Variants in ATF7 observed in about 807,000 individuals in gnomAD.
The protein encoded by ATF7 is activating transcription factor 7, also known as cyclic AMP-dependent transcription factor ATF-7.
In ATF7, 10 loss-of-function variants were observed where a neutral mutation model predicts 50.4. The observed-to-expected ratio is 0.20, with a 90% confidence interval of 0.12 to 0.34. ATF7 has a LOEUF of 0.34. ATF7 is among the 10% of genes least tolerant of loss of function. The pLI, the probability that ATF7 is intolerant of heterozygous loss-of-function variation, is 1.00. For missense variants in ATF7, 465 were observed against 613.9 expected (o/e 0.76, Z 2.56); for synonymous variants, 201 against 226.4 (o/e 0.89, Z 1.01).
At chr12:53,581,673 G>A (rs1253025992) in intron 2 of ATF7, among the ~76,000 whole-genome samples, 1 of 152,044 alleles carries the variant, frequency 6.6e-6, no homozygotes, top group Non-Finnish European at 1.5e-5. Flanking sequence ...TTTGTAGGAT[G>A]CAGCAGAAAC....
At chr12:53,581,824 T>A (rs144161156) in intron 2 of ATF7, among the ~76,000 whole-genome samples, 2 of 151,478 alleles carry the variant, frequency 1.3e-5, no homozygotes, top group East Asian at 3.9e-4. Context: ...AGAAAAGAAA[T>A]AATAAAAATT....
At chr12:53,523,476 G>T in intron 10 of ATF7, 92 bp from the exon 11 acceptor site, 1 of 927,770 alleles carries the variant, frequency 1.1e-6, no homozygotes, top group Non-Finnish European at 1.7e-6. Flanking sequence ...ACAGAATATT[G>T]CCTCGATTTT....
At chr12:53,596,120 G>A (rs367567629) in intron 2 of ATF7, among the ~76,000 whole-genome samples, 7 of 152,016 alleles carry the variant, frequency 4.6e-5, no homozygotes, top group African/African-American at 1.2e-4. Flanking sequence ...TCAACATGGC[G>A]AAACCTGTCT....
At chr12:53,567,988 T>C (rs1470044237) in intron 2 of ATF7, among the ~76,000 whole-genome samples, 1 of 152,226 alleles carries the variant, frequency 6.6e-6, no homozygotes, top group Admixed American at 6.5e-5. Flanking sequence ...TCTAATTTGC[T>C]ACACATTAAG....
intron 2 of ATF7, among the ~76,000 whole-genome samples, chr12:53,577,822 A>G (rs1592915689): frequency 1.3e-5 from 2 of 152,134 alleles, no homozygotes; most frequent in African/African-American, 2.4e-5. Context: ...CCCCAAATCA[A>G]TGTCAGACAC....
At chr12:53,620,591 A>C (rs1307824714) in intron 1 of ATF7, among the ~76,000 whole-genome samples, 3 of 150,676 alleles carry the variant, frequency 2.0e-5, no homozygotes, top group Non-Finnish European at 3.0e-5. Context: ...AAAAAAAAAA[A>C]AAAAAAATAC....
At chr12:53,594,315 T>C (rs1052112237) in intron 2 of ATF7, among the ~76,000 whole-genome samples, 3 of 152,360 alleles carry the variant, frequency 2.0e-5, no homozygotes, top group African/African-American at 7.2e-5. Flanking sequence ...TATTAAGTTA[T>C]ATCTAAGGAA....
chr12:53,584,953 T>C (rs979098486), intron 2 of ATF7, among the ~76,000 whole-genome samples: 5 of 152,232 alleles, frequency 3.3e-5, no homozygotes, highest in Admixed American at 2.0e-4. Context: ...TTCTGTATGA[T>C]ACTACAATGG....
chr12:53,582,926 T>C (rs1166113608), intron 2 of ATF7, among the ~76,000 whole-genome samples: 6 of 152,054 alleles, frequency 3.9e-5, no homozygotes, highest in Non-Finnish European at 4.4e-5. Flanking sequence ...GGTCCAGAAA[T>C]AGACCCACAT....
At chr12:53,596,052 A>G (rs889301743) in intron 2 of ATF7, among the ~76,000 whole-genome samples, 1 of 152,178 alleles carries the variant, frequency 6.6e-6, no homozygotes, top group Non-Finnish European at 1.5e-5. Flanking sequence ...AAATCCCAGC[A>G]CTTTGGAAGA....
intron 1 of ATF7, among the ~76,000 whole-genome samples, chr12:53,624,381 T>TTCA (rs1313912105): frequency 1.3e-5 from 2 of 152,222 alleles, no homozygotes; most frequent in Admixed American, 1.3e-4. Flanking sequence ...TTACTGATAT[T>TTCA]TCAGACATTA....
In ATF7 at chr12:53,615,703, C is replaced by G. The variant is rs562527178; in HGVS notation, c.-22+10576G>C. Among the ~76,000 whole-genome samples, 6 of 152,148 alleles carry G rather than the reference C, an allele frequency of 3.9e-5. No homozygotes were observed. The East Asian group carries it at 1.2e-3, about 30-fold the overall frequency. On this transcript the variant is annotated intron_variant, in intron 1 of 11. Coordinates refer to ENST00000420353, the MANE Select transcript of ATF7 (RefSeq NM_006856.3). ...CCTGGGCAAGAGAGCAAAATCCTTT[C>G]TCTGCAAAATAATTAAAGATTGGCT...
rs539572196 is a variant in ATF7 at position 53,590,149 on chromosome 12, C to A, written c.48+10804G>T. Among the ~76,000 whole-genome samples the A allele has an allele frequency of 2.0e-5, 3 of 152,260 alleles. No homozygotes were observed. In the South Asian group the frequency reaches 6.2e-4, roughly 32 times the overall value. On this transcript the variant is annotated intron_variant, in intron 2 of 11. Coordinates refer to ENST00000420353, the MANE Select transcript of ATF7 (RefSeq NM_006856.3). ...CATAAACTTCAATATCTCCTTTGCT[C>A]AGGGACCATTCTACCTAAGCCAGTC...
chr12:53,559,205 A>C (rs1940933231), intron 2 of ATF7, among the ~76,000 whole-genome samples: 1 of 150,866 alleles, frequency 6.6e-6, no homozygotes. Flanking sequence ...ATAAAGTCTT[A>C]AGATTTTTTT....
chr12:53,564,257 T>C (rs1941315684), intron 2 of ATF7, among the ~76,000 whole-genome samples: 1 of 152,120 alleles, frequency 6.6e-6, no homozygotes, highest in Non-Finnish European at 1.5e-5. Flanking sequence ...TGCCTGATAA[T>C]CCCAGTTACT....
At position 53,534,586 on chromosome 12, in the gene ATF7, T is replaced by C. The variant is rs558589104; in HGVS notation, c.476A>G (p.His159Arg). 3.3e-4 allele frequency: 540 copies of C among 1,613,478 alleles called. 3 individuals are homozygous for C. In the South Asian group the frequency reaches 5.5e-3, roughly 16 times the overall value. The change falls in exon 6 of 12, where the codon CAC (histidine) becomes CGC (arginine). Residue 159 changes from histidine to arginine, a missense_variant. Coordinates refer to ENST00000420353, the MANE Select transcript of ATF7 (RefSeq NM_006856.3). ...TGGATGAAGTGGATCATAGCCCAAG[T>C]GGAGAGGCAGGGAGCCAGGACGTAC... ...TIVRPGSLPL[H>R]LGYDPLHPTL... is the part of the protein sequence containing the mutation.
At chr12:53,544,107 C>T (rs1305267885) in intron 3 of ATF7, among the ~76,000 whole-genome samples, 1 of 152,184 alleles carries the variant, frequency 6.6e-6, no homozygotes, top group Non-Finnish European at 1.5e-5. Flanking sequence ...GACCTAGGCC[C>T]AGAGCAAGTT....
chr12:53,607,453 G>A (rs7970141), intron 1 of ATF7, among the ~76,000 whole-genome samples: 54,207 of 151,850 alleles, frequency 0.36, 10,298 homozygotes, highest in East Asian at 0.81. Context: ...TCTATTCTAA[G>A]GATAAAACCA....
intron 5 of ATF7, among the ~76,000 whole-genome samples, chr12:53,535,438 T>C (rs1281236849): frequency 1.3e-5 from 2 of 151,744 alleles, no homozygotes; most frequent in African/African-American, 4.9e-5. Context: ...ACATGAGATA[T>C]AGATGCTCTA....
Sources: allele counts gnomAD v4.1 joint callset (sites outside exome capture counted in the v4.1 genomes callset), GRCh38; gene constraint gnomAD v4.1.1; transcripts MANE v1.5; gene names NCBI Gene and HGNC (gene_info 2026-07-23, HGNC 2026-07-21).